Variants in RSU1 observed in about 807,000 individuals in gnomAD.
The protein encoded by RSU1 is rsu-1.
Under a neutral mutation model 31.1 loss-of-function variants are expected in RSU1, and 26 were observed. That is an observed-to-expected ratio of 0.84 (90% CI 0.61 to 1.16). The LOEUF is 1.16. Among genes scored for constraint, RSU1 ranks in the 50% most tolerant of loss-of-function variants. The probability of loss-of-function intolerance (pLI) is 0.00; values close to 1 mark genes in which losing one functional copy is unlikely to be tolerated. For missense variants in RSU1, 320 were observed against 339.1 expected (o/e 0.94, Z 0.44); for synonymous variants, 164 against 136.3 (o/e 1.20, Z -1.41).
intron 8 of RSU1, among the ~76,000 whole-genome samples, chr10:16,615,239 C>T (rs930656811): frequency 6.6e-6 from 1 of 151,808 alleles, no homozygotes; most frequent in Non-Finnish European, 1.5e-5. Context: ...CAATTCTAGT[C>T]ACTGACAAAA....
At chr10:16,792,205 A>C (rs746348719) in intron 2 of RSU1, among the ~76,000 whole-genome samples, 1 of 152,178 alleles carries the variant, frequency 6.6e-6, no homozygotes, top group Non-Finnish European at 1.5e-5. Flanking sequence ...GAAAGCCACT[A>C]AAAAGGCCTT....
chr10:16,784,354 G>T (rs1047617811), intron 2 of RSU1, among the ~76,000 whole-genome samples: 2 of 152,126 alleles, frequency 1.3e-5, no homozygotes, highest in African/African-American at 2.4e-5. Flanking sequence ...TCATTCATCG[G>T]TATTAGTCCA....
At chr10:16,800,072 G>C (rs954371521) in intron 2 of RSU1, among the ~76,000 whole-genome samples, 1 of 152,078 alleles carries the variant, frequency 6.6e-6, no homozygotes, top group African/African-American at 2.4e-5. Flanking sequence ...GAAAACACAA[G>C]GAAGACACAA....
chr10:16,619,015 C>T (rs879888003), intron 8 of RSU1, among the ~76,000 whole-genome samples: 3 of 152,160 alleles, frequency 2.0e-5, no homozygotes, highest in Admixed American at 1.3e-4. Flanking sequence ...GGGCATTCCA[C>T]CTGCTACCTA....
At chr10:16,637,275 C>T (rs1419761040) in intron 8 of RSU1, among the ~76,000 whole-genome samples, 1 of 152,112 alleles carries the variant, frequency 6.6e-6, no homozygotes, top group African/African-American at 2.4e-5. Flanking sequence ...CATGAACATG[C>T]CACTGTGAGT....
intron 2 of RSU1, among the ~76,000 whole-genome samples, chr10:16,791,576 C>T (rs999676605): frequency 3.5e-4 from 53 of 149,918 alleles, no homozygotes; most frequent in Non-Finnish European, 2.8e-4. Flanking sequence ...TTGCAGTGAC[C>T]GACATCACAC....
chr10:16,792,386 C>G (rs189640048), intron 2 of RSU1, among the ~76,000 whole-genome samples: 5 of 152,272 alleles, frequency 3.3e-5, no homozygotes, highest in Non-Finnish European at 5.9e-5. Flanking sequence ...GCACGCACCA[C>G]CACAACTGGC....
At chr10:16,601,780 T>C (rs778982181) in intron 8 of RSU1, among the ~76,000 whole-genome samples, 6 of 152,200 alleles carry the variant, frequency 3.9e-5, no homozygotes, top group Non-Finnish European at 7.4e-5. Context: ...AAGGTAAGGC[T>C]GGGCTTGAGG....
chr10:16,760,424 G>A (rs760621814), intron 4 of RSU1, among the ~76,000 whole-genome samples: 16 of 150,842 alleles, frequency 1.1e-4, no homozygotes, highest in Non-Finnish European at 1.3e-4. Flanking sequence ...CAGGAGAATC[G>A]TTTGAACCCA....
chr10:16,714,495 T>G (rs952954525), intron 7 of RSU1, among the ~76,000 whole-genome samples: 1 of 152,196 alleles, frequency 6.6e-6, no homozygotes, highest in Non-Finnish European at 1.5e-5. Context: ...CAGCTATGGA[T>G]GCACCGCGCT....
chr10:16,768,568 G>T (rs754603133), intron 3 of RSU1, among the ~76,000 whole-genome samples: 1 of 152,130 alleles, frequency 6.6e-6, no homozygotes, highest in Non-Finnish European at 1.5e-5. Context: ...TGCTGGGGAC[G>T]CTCTCATCCC....
intron 3 of RSU1, among the ~76,000 whole-genome samples, chr10:16,772,042 A>G (rs1296301340): frequency 6.6e-6 from 1 of 152,230 alleles, no homozygotes; most frequent in Non-Finnish European, 1.5e-5. Context: ...CTATGCTATC[A>G]TGAGCTGCCT....
chr10:16,755,823 T>A (rs1252820578), intron 4 of RSU1, among the ~76,000 whole-genome samples: 2 of 152,192 alleles, frequency 1.3e-5, no homozygotes, highest in Non-Finnish European at 2.9e-5. Flanking sequence ...ACATTCCACA[T>A]ATAAGTGAGA....
chr10:16,742,776 C>G (rs998832840), intron 7 of RSU1, among the ~76,000 whole-genome samples: 3 of 152,204 alleles, frequency 2.0e-5, no homozygotes, highest in Non-Finnish European at 2.9e-5. Context: ...CACGCTGAAC[C>G]TGACACTGGG....
chr10:16,757,127 G>T (rs1564346137), intron 4 of RSU1, among the ~76,000 whole-genome samples: 2 of 151,742 alleles, frequency 1.3e-5, no homozygotes, highest in African/African-American at 4.9e-5. Flanking sequence ...GTGTGTGTGT[G>T]TGGGCGTGTC....
At chr10:16,742,114 C>T (rs533603830) in intron 7 of RSU1, among the ~76,000 whole-genome samples, 1 of 152,036 alleles carries the variant, frequency 6.6e-6, no homozygotes, top group Non-Finnish European at 1.5e-5. Context: ...GAGTACTAGG[C>T]GTGTTAAAAT....
intron 4 of RSU1, among the ~76,000 whole-genome samples, chr10:16,757,364 A>T (rs1194554528): frequency 6.6e-6 from 1 of 152,148 alleles, no homozygotes; most frequent in Non-Finnish European, 1.5e-5. Context: ...CAGCCCTACC[A>T]AGAGGGCCTC....
intron 8 of RSU1, among the ~76,000 whole-genome samples, chr10:16,626,340 C>T (rs1380072132): frequency 2.6e-5 from 4 of 152,084 alleles, no homozygotes; most frequent in Admixed American, 6.6e-5. Flanking sequence ...TGCATGCCAC[C>T]ACACCTGGCT....
chr10:16,611,085 G>C (rs576474792), intron 8 of RSU1, among the ~76,000 whole-genome samples: 1 of 152,276 alleles, frequency 6.6e-6, no homozygotes, highest in South Asian at 2.1e-4. Context: ...GGTCCCCAGC[G>C]CCCGGCTGGC....
Sources: gnomAD v4.1 joint callset for allele counts (sites outside exome capture counted in the v4.1 genomes callset) on GRCh38, gnomAD v4.1.1 for gene constraint, MANE v1.5 for transcripts, NCBI Gene and HGNC (gene_info 2026-07-23, HGNC 2026-07-21) for gene names.